Variants in USP34 observed in about 807,000 individuals in gnomAD.
USP34 encodes the protein ubiquitin specific peptidase 34.
Under a neutral mutation model 460.3 loss-of-function variants are expected in USP34, and 70 were observed. The observed-to-expected ratio is 0.15, with a 90% CI of 0.13 to 0.19. USP34 has a LOEUF of 0.19. Among genes scored for constraint, USP34 ranks in the 10% least tolerant of loss-of-function variants. The pLI, the probability that USP34 is intolerant of heterozygous loss-of-function variation, is 1.00. For missense variants in USP34, 3,985 were observed against 4,236.2 expected (o/e 0.94, Z 1.65); for synonymous variants, 1,647 against 1,405.3 (o/e 1.17, Z -3.85).
At chr2:61,308,810 G>C (rs1057280874) in intron 27 of USP34, among the ~76,000 whole-genome samples, 4 of 152,146 alleles carry the variant, frequency 2.6e-5, no homozygotes, top group Non-Finnish European at 5.9e-5. Context: ...GGAGGCCTAA[G>C]TGGGCAGAAA....
chr2:61,348,425 C>T lies in USP34; in HGVS notation c.1730G>A (p.Ser577Asn). 1 of 1,613,854 alleles carries T rather than the reference C, an allele frequency of 6.2e-7. No individual in the cohort carries two copies. Among genetic ancestry groups the T allele is most frequent in the East Asian group, 2.2e-5 (1 of 44,886 alleles). The part of the protein sequence containing the change: ...ETANSGEDGS[S>N]GPGSSSGHSD... ...ATGCCCACTACTGCTACCAGGACCA[C>T]TGCTTCCATCTTCACCACTGTTGGC... Residue 577 changes from serine (S) to asparagine (N), a missense_variant, in exon 15 of 80, where the codon AGT (serine) becomes AAT (asparagine). Around this residue, in one of 14 missense-constraint regions of USP34, gnomAD observed 716 missense variants for 626.2 expected, o/e 1.14. Transcript: ENST00000398571.
chr2:61,421,232 A>G (rs145930813), intron 1 of USP34, among the ~76,000 whole-genome samples: 268 of 152,332 alleles, frequency 1.8e-3, no homozygotes, highest in Non-Finnish European at 2.9e-3. Flanking sequence ...TCAGCTTGCT[A>G]TATCTGAAAG....
intron 35 of USP34, among the ~76,000 whole-genome samples, chr2:61,284,454 T>G (rs1689628631): frequency 6.6e-6 from 1 of 152,158 alleles, no homozygotes; most frequent in Non-Finnish European, 1.5e-5. Context: ...TAGTTGATCC[T>G]GAAGCAAGAA....
intron 16 of USP34, among the ~76,000 whole-genome samples, chr2:61,342,682 A>C (rs1691643290): frequency 6.6e-6 from 1 of 151,968 alleles, no homozygotes; most frequent in African/African-American, 2.4e-5. Context: ...TTTTAAACTG[A>C]CTGTCTTACT....
At chr2:61,348,941 A>C in intron 13 of USP34, 55 bp from the exon 14 acceptor site, 4 of 1,530,848 alleles carry the variant, frequency 2.6e-6, no homozygotes, top group Non-Finnish European at 3.5e-6. Context: ...CATTGACTTA[A>C]CAGAATGACA....
chr2:61,251,037 C>T (rs981076876), intron 48 of USP34, among the ~76,000 whole-genome samples: 3 of 152,136 alleles, frequency 2.0e-5, no homozygotes, highest in Non-Finnish European at 4.4e-5. Context: ...ACTCAGGAGG[C>T]TGAGGCAGGA....
chr2:61,372,765 T>C (rs567636033), intron 8 of USP34, among the ~76,000 whole-genome samples: 3 of 152,232 alleles, frequency 2.0e-5, no homozygotes, highest in African/African-American at 7.2e-5. Flanking sequence ...AACTATAAAA[T>C]TGGACAGTAC....
intron 3 of USP34, among the ~76,000 whole-genome samples, chr2:61,405,139 A>G (rs1478931711): frequency 1.3e-5 from 2 of 150,622 alleles, no homozygotes; most frequent in East Asian, 3.9e-4. Flanking sequence ...AGGCTGAGGC[A>G]AGAGAATGGC....
chr2:61,336,119 T>TTG (rs745658418), intron 18 of USP34, among the ~76,000 whole-genome samples: 310 of 150,088 alleles, frequency 2.1e-3, no homozygotes, highest in African/African-American at 5.0e-3. Flanking sequence ...GCAAAACAAA[T>TTG]TGTGTGTGTG....
In USP34 at chr2:61,311,834, G is replaced by C. The variant is rs752394785; in HGVS notation, c.3619C>G (p.Gln1207Glu). The C allele has an allele frequency of 1.2e-6, 2 of 1,613,980 alleles. No individual in the cohort carries two copies. Among genetic ancestry groups the C allele is most frequent in the Admixed American group, 1.7e-5 (1 of 60,010 alleles). The stretch of plus-strand genomic sequence containing the variant: ...CATACAACCCTTAGCGGCAGAGACT[G>C]TTTGTCACTCAGTGCTTTCAAATGA... The part of the protein sequence containing the change: ...SSHLKALSDK[Q>E]SLPLRVVCQP... Residue 1207 changes from glutamine to glutamate, a missense_variant, in exon 26 of 80, where the codon CAG (glutamine) becomes GAG (glutamate). Gln to Glu is a conservative substitution (Grantham distance 29, BLOSUM62 2). Around this residue, in one of 14 missense-constraint regions of USP34, gnomAD observed 1,114 missense variants for 1,122.5 expected, o/e 0.99. Transcript: ENST00000398571.
intron 1 of USP34, among the ~76,000 whole-genome samples, chr2:61,424,277 A>G (rs1375133543): frequency 6.6e-6 from 1 of 152,246 alleles, no homozygotes; most frequent in Non-Finnish European, 1.5e-5. Flanking sequence ...CTAGGCAACC[A>G]TAATACAATG....
At chr2:61,247,054 G>A (rs1210937651) in intron 49 of USP34, among the ~76,000 whole-genome samples, 4 of 151,964 alleles carry the variant, frequency 2.6e-5, no homozygotes, top group East Asian at 1.9e-4. Flanking sequence ...AAAACACTAC[G>A]TATTAAGAGA....
At chr2:61,300,337 C>G (rs965064501) in intron 29 of USP34, among the ~76,000 whole-genome samples, 7 of 151,924 alleles carry the variant, frequency 4.6e-5, no homozygotes, top group Non-Finnish European at 1.5e-5. Flanking sequence ...AGCTAGCACA[C>G]GGCACCATGC....
intron 1 of USP34, among the ~76,000 whole-genome samples, chr2:61,458,792 G>A (rs1695512870): frequency 6.6e-6 from 1 of 152,066 alleles, no homozygotes; most frequent in South Asian, 2.1e-4. Flanking sequence ...TCTTGGCGGG[G>A]CACAGTGGCT....
intron 51 of USP34, 30 bp downstream of exon 51, chr2:61,245,180 A>G: frequency 1.9e-6 from 3 of 1,571,730 alleles, no homozygotes; most frequent in Non-Finnish European, 2.6e-6. Flanking sequence ...GAAGGACACA[A>G]ACCATTTATA....
At chr2:61,190,119 A>G in intron 78 of USP34, 152 bp downstream of exon 78, 1 of 964,180 alleles carries the variant, frequency 1.0e-6, no homozygotes, top group East Asian at 2.6e-5. Flanking sequence ...AAGGCATAGT[A>G]AACGTGTATT....
At chr2:61,380,984 C>G (rs1042173464) in intron 6 of USP34, among the ~76,000 whole-genome samples, 3 of 152,166 alleles carry the variant, frequency 2.0e-5, no homozygotes, top group African/African-American at 7.2e-5. Context: ...CAAGTCAATA[C>G]AGATCAACAA....
At position 61,348,499 on chromosome 2, in the gene USP34, A is replaced by G. The variant is rs1691840461; in HGVS notation, c.1675-19T>C. 2 of 1,593,996 alleles carry G rather than the reference A, an allele frequency of 1.3e-6. No individual in the cohort carries two copies. Among genetic ancestry groups the G allele is most frequent in the African/African-American group, 2.7e-5 (2 of 74,208 alleles). On this transcript the variant is annotated intron_variant, in intron 14 of 79. Transcript: ENST00000398571. Reference sequence around the variant, plus strand: ...TGGATTCCTGTATTTTGAAACAAATAGATTTAAATAAATATTTAAACCAGT... The same window carrying G: ...TGGATTCCTGTATTTTGAAACAAATGGATTTAAATAAATATTTAAACCAGT...
In USP34 at chr2:61,314,800, T is replaced by C. The variant is rs1690693641; in HGVS notation, c.3383-56A>G. The C allele has an allele frequency of 1.2e-5, 19 of 1,585,726 alleles. No individual in the cohort carries two copies. The South Asian group carries it at 2.2e-4, about 19-fold the overall frequency. On this transcript the variant is annotated intron_variant, in intron 24 of 79. Coordinates refer to ENST00000398571, the MANE Select transcript of USP34 (RefSeq NM_014709.4). The stretch of plus-strand genomic sequence containing the variant: ...AGCCTTATATTCTTGTTTAGCTATA[T>C]CAAAGAAAAATTTTAGTTTCACAAA...
Sources: gnomAD v4.1 joint callset for allele counts (sites outside exome capture counted in the v4.1 genomes callset) on GRCh38, gnomAD v4.1.1 for gene constraint, gnomAD v4.1.1 regional missense constraint, MANE v1.5 for transcripts, NCBI Gene and HGNC (gene_info 2026-07-23, HGNC 2026-07-21) for gene names.